Variants in RBM4 observed in about 807,000 individuals in gnomAD.
RBM4 encodes RNA binding motif protein 4.
A neutral mutation model predicts 29.5 loss-of-function variants in RBM4; 7 were observed. That is an observed-to-expected ratio of 0.24 (90% CI 0.14 to 0.45). The LOEUF is 0.45. Ranked by LOEUF, RBM4 falls within the 20% of genes least tolerant of loss-of-function variation. The probability of loss-of-function intolerance (pLI) is 1.00; values close to 1 mark genes in which losing one functional copy is unlikely to be tolerated. For missense variants in RBM4, 387 were observed against 502.3 expected (o/e 0.77, Z 2.19); for synonymous variants, 220 against 205.4 (o/e 1.07, Z -0.61).
chr11:66,649,442 G>T (rs890516666), downstream of RBM4, among the ~76,000 whole-genome samples: 3 of 152,214 alleles, frequency 2.0e-5, no homozygotes, highest in Non-Finnish European at 4.4e-5. Flanking sequence ...CTACTAAGAG[G>T]CTGAAGCGGG....
At position 66,644,111 on chromosome 11, in the gene RBM4, GGC is replaced by G. The variant is rs1938586583; in HGVS notation, c.1078_1079del (p.Arg360ValfsTer23). ...ATGAGCGGGAGCAGTATGCCGATCG[GGC>G]GCGGTACTCAGCCTTTTAAAGCTTG... ...RYEREQYADR[A>X]RYSAF is the part of the protein sequence containing the mutation. On this transcript the variant is annotated frameshift_variant, in exon 3 of 4. Transcript: ENST00000310092. LOFTEE classifies it high-confidence loss of function. 1 of 1,613,682 alleles carries G rather than the reference GGC, an allele frequency of 6.2e-7. No individual in the cohort carries two copies. Among genetic ancestry groups the G allele is most frequent in the Admixed American group, 1.7e-5 (1 of 59,972 alleles).
chr11:66,650,389 G>A (rs921967417), downstream of RBM4, among the ~76,000 whole-genome samples: 9 of 152,238 alleles, frequency 5.9e-5, no homozygotes, highest in African/African-American at 2.2e-4. Flanking sequence ...GTCAAACATG[G>A]GGAAACCCCA....
chr11:66,643,609 A>G lies in RBM4; in HGVS notation c.572A>G (p.Asn191Ser). The change falls in exon 3 of 4, where the codon AAT becomes AGT. Residue 191 changes from asparagine to serine, a missense_variant. Asn to Ser is a conservative substitution (Grantham distance 46). Transcript: ENST00000310092. This position sits in a 1 kb window ranked among gnomAD's most constrained non-coding sequence, Gnocchi z 6.1. ...GRVADLTEQYNEQYGAVRTPY... is the reference protein window; with the variant it reads ...GRVADLTEQYSEQYGAVRTPY... ...GTGGCAGACTTGACCGAGCAATATAATGAGCAATACGGAGCAGTGCGTACG... is the reference window on the plus strand; with the variant it reads ...GTGGCAGACTTGACCGAGCAATATAGTGAGCAATACGGAGCAGTGCGTACG... 1 of 1,614,176 alleles carries G rather than the reference A, an allele frequency of 6.2e-7. No individual in the cohort carries two copies. The highest frequency in any genetic ancestry group is 8.5e-7 in the Non-Finnish European group (1 of 1,180,036).
Position 66,644,120 on chromosome 11 carries a change from C to G in RBM4, c.1083C>G (p.Tyr361Ter). 1 of 1,612,936 alleles carries G rather than the reference C, an allele frequency of 6.2e-7. No individual in the cohort carries two copies. The highest frequency in any genetic ancestry group is 8.5e-7 in the Non-Finnish European group (1 of 1,179,310). The change falls in exon 3 of 4, where the codon TAC (tyrosine) becomes TAG (stop). Residue 361 changes from tyrosine to a stop codon, truncating the protein, a stop_gained. Coordinates refer to ENST00000310092, the MANE Select transcript of RBM4 (RefSeq NM_002896.4). LOFTEE classifies it high-confidence loss of function. ...AGCAGTATGCCGATCGGGCGCGGTA[C>G]TCAGCCTTTTAAAGCTTGAGGTGAG... is the stretch of plus-strand genomic sequence containing the variant. ...EREQYADRARYSAF is the reference protein window; with the variant it reads ...EREQYADRAR
In RBM4 at chr11:66,643,527, C is replaced by T. The variant is rs1431308409; in HGVS notation, c.490C>T (p.Arg164Trp). 7 of 1,613,986 alleles carry T rather than the reference C, an allele frequency of 4.3e-6. No individual in the cohort carries two copies. Among genetic ancestry groups the T allele is most frequent in the Non-Finnish European group, 5.9e-6 (7 of 1,180,042 alleles). Residue 164 changes from arginine to tryptophan, a missense_variant, in exon 3 of 4, where the codon CGG becomes TGG. Around this residue, in one of 2 missense-constraint regions of RBM4, gnomAD observed 281 missense variants for 288.7 expected, o/e 0.97. Coordinates refer to ENST00000310092, the MANE Select transcript of RBM4 (RefSeq NM_002896.4). This position sits in a 1 kb window ranked among gnomAD's most constrained non-coding sequence, Gnocchi z 6.1. ...GATGGGAGACCAGAGCGGCTGCTAT[C>T]GGTGCGGGAAAGAGGGGCACTGGTC... The part of the protein sequence containing the change: ...PGMGDQSGCY[R>W]CGKEGHWSKE...
At chr11:66,647,761 AC>A (rs1938732224), downstream of RBM4, among the ~76,000 whole-genome samples, 2 of 152,332 alleles carry the variant, frequency 1.3e-5, no homozygotes, top group African/African-American at 4.8e-5. Context: ...GGCGATACAT[AC>A]GGTTCTGGAG....
chr11:66,662,363 T>A (rs1939099820), intron 2 of RBM4, among the ~76,000 whole-genome samples: 1 of 152,188 alleles, frequency 6.6e-6, no homozygotes, highest in Non-Finnish European at 1.5e-5. Context: ...GAAAATTTTT[T>A]TTCTTGTGCC....
At chr11:66,665,457 G>T in intron 2 of RBM4, 1 of 768,804 alleles carries the variant, frequency 1.3e-6, no homozygotes, top group Non-Finnish European at 2.2e-6. Context: ...AACATAGTTG[G>T]TCACAAACTC....
downstream of RBM4, among the ~76,000 whole-genome samples, chr11:66,649,383 G>A (rs1458997518): frequency 6.6e-6 from 1 of 152,168 alleles, no homozygotes; most frequent in East Asian, 1.9e-4. Context: ...CCATTTCTAA[G>A]ACAATTTTAA....
In RBM4 at chr11:66,643,642, C is replaced by T. The variant is rs202008221; in HGVS notation, c.605C>T (p.Thr202Ile). The T allele has an allele frequency of 1.9e-6, 3 of 1,614,176 alleles. No homozygotes were observed. Among genetic ancestry groups the T allele is most frequent in the Non-Finnish European group, 2.5e-6 (3 of 1,180,034 alleles). ...TACGGAGCAGTGCGTACGCCTTACA[C>T]CATGAGCTATGGGGATTCATTGTAT... ...EQYGAVRTPY[T>I]MSYGDSLYYN... is the part of the protein sequence containing the mutation. The change falls in exon 3 of 4, where the codon ACC becomes ATC. Residue 202 changes from threonine to isoleucine, a missense_variant. By Grantham distance (89) the Thr-to-Ile change is moderately conservative (BLOSUM62 -1). Coordinates refer to ENST00000310092, the MANE Select transcript of RBM4 (RefSeq NM_002896.4). The surrounding 1 kb of genome is among the most constrained non-coding windows in gnomAD (Gnocchi z 6.1).
downstream of RBM4, among the ~76,000 whole-genome samples, chr11:66,646,707 A>G (rs956504690): frequency 6.6e-6 from 1 of 152,180 alleles, no homozygotes; most frequent in Admixed American, 6.5e-5. Flanking sequence ...TATAAAACCA[A>G]CTACTTTTAG....
downstream of RBM4, among the ~76,000 whole-genome samples, chr11:66,647,223 A>G (rs1938719149): frequency 6.6e-6 from 1 of 152,252 alleles, no homozygotes; most frequent in Non-Finnish European, 1.5e-5. Flanking sequence ...ATTTCTCAGA[A>G]TCATTCAACA....
At position 66,643,887 on chromosome 11, in the gene RBM4, G is replaced by C; in HGVS notation, c.850G>C (p.Ala284Pro). The C allele has an allele frequency of 6.2e-7, 1 of 1,613,290 alleles. No homozygotes were observed. The highest frequency in any genetic ancestry group is 1.3e-5 in the African/African-American group (1 of 74,854). ...CCTGTTGCCGACCTCAGGAGCTGCT[G>C]CCACAGCTGCTGCTGCAGCAGCAGC... The part of the protein sequence containing the change: ...RHLLPTSGAA[A>P]TAAAAAAAAA... The change falls in exon 3 of 4, where the codon GCC becomes CCC. Residue 284 changes from alanine to proline, a missense_variant. Ala to Pro is a conservative substitution (Grantham distance 27). This residue lies in a region of RBM4 where 281 missense variants were observed against 288.7 expected (regional missense o/e 0.97). Transcript: ENST00000310092. The surrounding 1 kb of genome is among the most constrained non-coding windows in gnomAD (Gnocchi z 6.1).
downstream of RBM4, among the ~76,000 whole-genome samples, chr11:66,651,429 G>A (rs1938828947): frequency 6.6e-6 from 1 of 150,964 alleles, no homozygotes; most frequent in African/African-American, 2.4e-5. Flanking sequence ...CTCACTGCAT[G>A]CTCCACCTCC....
chr11:66,666,527 A>G, exon 3 of RBM4: 3 of 835,742 alleles, frequency 3.6e-6, no homozygotes, highest in Non-Finnish European at 4.3e-6. Flanking sequence ...GTCATCGCTA[A>G]AAAGAGGTTA....
chr11:66,668,185 T>C (rs1939317394), exon 3 of RBM4: 1 of 165,542 alleles, frequency 6.0e-6, no homozygotes, highest in African/African-American at 2.4e-5. Context: ...GTTCTACCTT[T>C]CATTTATCAA....
chr11:66,649,318 T>C (rs557994200), downstream of RBM4, among the ~76,000 whole-genome samples: 57 of 152,350 alleles, frequency 3.7e-4, no homozygotes, highest in African/African-American at 1.4e-3. Context: ...TATTGACTTG[T>C]TGAGAGGAAA....
At position 66,643,337 on chromosome 11, in the gene RBM4, A is replaced by T; in HGVS notation, c.413-113A>T. 7.8e-7 allele frequency: 1 copy of T among 1,274,420 alleles called. No individual in the cohort carries two copies. The allele number at this position is 1,274,420 out of a possible 1,614,324, so 78.9% of individuals were successfully genotyped here. A position where few individuals can be genotyped will look rare whatever the true frequency, so the allele number is the denominator to read the frequency against. ...TCCTTTTTATCTTTTCCTAAAGATG[A>T]GTCCTGCATTAGAATTGTCTAGATA... is the stretch of plus-strand genomic sequence containing the variant. On this transcript the variant is annotated intron_variant, in intron 2 of 3. Coordinates refer to ENST00000310092, the MANE Select transcript of RBM4 (RefSeq NM_002896.4). The surrounding 1 kb of genome is among the most constrained non-coding windows in gnomAD (Gnocchi z 6.1).
chr11:66,651,122 C>CG (rs144427782), downstream of RBM4, among the ~76,000 whole-genome samples: 385 of 150,904 alleles, frequency 2.6e-3, 2 homozygotes, highest in African/African-American at 6.8e-3. Flanking sequence ...AAAGTAGACT[C>CG]GGGGGGGGAT....
Sources: allele counts gnomAD v4.1 joint callset (sites outside exome capture counted in the v4.1 genomes callset), GRCh38; gene constraint gnomAD v4.1.1; regional missense constraint gnomAD v4.1.1; non-coding constraint Gnocchi (gnomAD v3.1); transcripts MANE v1.5; gene names NCBI Gene and HGNC (gene_info 2026-07-23, HGNC 2026-07-21).